Variants in RAB38 observed in about 807,000 individuals in gnomAD.
The protein encoded by RAB38 is RAB38, member RAS oncogene family.
A neutral mutation model predicts 18.4 loss-of-function variants in RAB38; 15 were observed. The ratio of observed to expected loss-of-function variants is 0.82; its 90% CI spans 0.55 to 1.26. The LOEUF (loss-of-function observed/expected upper bound fraction) is 1.26. Among genes scored for constraint, RAB38 ranks in the 50% most tolerant of loss-of-function variants. The probability of loss-of-function intolerance (pLI) is 0.00; values close to 1 mark genes in which losing one functional copy is unlikely to be tolerated. For missense variants in RAB38, 294 were observed against 267.4 expected (o/e 1.10, Z -0.69); for synonymous variants, 101 against 104.4 (o/e 0.97, Z 0.20).
the RAB38 span, among the ~76,000 whole-genome samples, chr11:87,859,876 G>A: frequency 3.3e-5 from 5 of 152,030 alleles, no homozygotes. Context: ...ATTGTAACAA[G>A]CTTACAGTCA....
chr11:88,110,201 G>A (rs1019503465), downstream of RAB38, among the ~76,000 whole-genome samples: 1 of 152,138 alleles, frequency 6.6e-6, no homozygotes, highest in African/African-American at 2.4e-5. Flanking sequence ...AAAAAGGATA[G>A]TTCATGTCCT....
At chr11:87,921,743 G>A in the RAB38 span, among the ~76,000 whole-genome samples, 2 of 151,612 alleles carry the variant, frequency 1.3e-5, no homozygotes, top group Admixed American at 6.6e-5. Context: ...TAAGCACTCA[G>A]GAAAAGTTTT....
chr11:87,965,416 G>A, the RAB38 span, among the ~76,000 whole-genome samples: 1 of 152,094 alleles, frequency 6.6e-6, no homozygotes, highest in African/African-American at 2.4e-5. Flanking sequence ...CTTGGCCTTT[G>A]TTCATGCTAT....
At chr11:88,119,609 T>C (rs1051902482) in intron 2 of RAB38, among the ~76,000 whole-genome samples, 3 of 150,914 alleles carry the variant, frequency 2.0e-5, no homozygotes, top group African/African-American at 7.3e-5. Flanking sequence ...TTTAATTAGC[T>C]CTTCAGAACA....
chr11:88,112,449 G>A (rs2134763571), downstream of RAB38, among the ~76,000 whole-genome samples: 1 of 152,144 alleles, frequency 6.6e-6, no homozygotes, highest in South Asian at 2.1e-4. Context: ...AAAGAATTTG[G>A]GGATTCAAGA....
chr11:88,132,848 T>TTAA (rs1267688062), intron 2 of RAB38, among the ~76,000 whole-genome samples: 1 of 152,324 alleles, frequency 6.6e-6, no homozygotes, highest in Non-Finnish European at 1.5e-5. Flanking sequence ...TTAATAGATA[T>TTAA]TAATAATAAA....
chr11:87,842,775 TACACACATGCATGCGCATGCACACAC>T, the RAB38 span, among the ~76,000 whole-genome samples: 1 of 148,442 alleles, frequency 6.7e-6, no homozygotes, highest in South Asian at 2.2e-4. Flanking sequence ...TGCGCACACA[TACACACATGCATGCGCATGCACACAC>T]ACACACACGC....
the RAB38 span, among the ~76,000 whole-genome samples, chr11:87,843,032 A>T: frequency 2.0e-5 from 3 of 152,124 alleles, no homozygotes; most frequent in East Asian, 1.9e-4. Context: ...TATTAATTCA[A>T]TCCCTCCCAC....
chr11:88,063,678 C>T, the RAB38 span, among the ~76,000 whole-genome samples: 1,059 of 152,260 alleles, frequency 7.0e-3, 5 homozygotes, highest in Non-Finnish European at 0.012. Flanking sequence ...GGGGCGGTTT[C>T]ACCCATACTG....
At chr11:87,877,175 C>A in the RAB38 span, among the ~76,000 whole-genome samples, 1 of 151,430 alleles carries the variant, frequency 6.6e-6, no homozygotes, top group South Asian at 2.1e-4. Context: ...GGAACCAGGA[C>A]CTCTTTATAC....
the RAB38 span, among the ~76,000 whole-genome samples, chr11:87,893,855 G>A: frequency 1.3e-5 from 2 of 151,616 alleles, no homozygotes; most frequent in Non-Finnish European, 3.0e-5. Flanking sequence ...TGTGAAGTCT[G>A]CAACTTGTTC....
At chr11:88,061,148 C>T in the RAB38 span, among the ~76,000 whole-genome samples, 1 of 152,120 alleles carries the variant, frequency 6.6e-6, no homozygotes, top group African/African-American at 2.4e-5. Context: ...GCGATATTGA[C>T]AGACTCTTAC....
At chr11:87,903,010 T>G in the RAB38 span, among the ~76,000 whole-genome samples, 4 of 151,232 alleles carry the variant, frequency 2.6e-5, no homozygotes, top group Non-Finnish European at 4.4e-5. Flanking sequence ...TGTCCGTGAA[T>G]AGAAATTTTT....
At chr11:87,892,605 C>T in the RAB38 span, among the ~76,000 whole-genome samples, 1 of 151,832 alleles carries the variant, frequency 6.6e-6, no homozygotes, top group Non-Finnish European at 1.5e-5. Context: ...TTTTCTACTT[C>T]AGCTCCTACT....
chr11:87,951,201 G>A, the RAB38 span, among the ~76,000 whole-genome samples: 9 of 152,082 alleles, frequency 5.9e-5, no homozygotes, highest in South Asian at 6.2e-4. Context: ...TTCTGCATTC[G>A]TCACATAGCT....
the RAB38 span, among the ~76,000 whole-genome samples, chr11:88,003,824 AGATTG>A: frequency 0.2 from 859 of 4,306 alleles, 386 homozygotes; most frequent in South Asian, 0.56. Flanking sequence ...AATATATAAT[AGATTG>A]TATAATATAT....
the RAB38 span, among the ~76,000 whole-genome samples, chr11:87,937,763 G>A: frequency 1.3e-5 from 2 of 151,306 alleles, no homozygotes; most frequent in African/African-American, 4.9e-5. Context: ...TCTCCATTTG[G>A]TTCTTCATAA....
At chr11:87,922,649 A>T in the RAB38 span, among the ~76,000 whole-genome samples, 29 of 152,108 alleles carry the variant, frequency 1.9e-4, no homozygotes, top group Non-Finnish European at 3.7e-4. Flanking sequence ...ACTGCAAAAC[A>T]CTGAGCAAAT....
the RAB38 span, among the ~76,000 whole-genome samples, chr11:87,902,012 A>C: frequency 6.6e-6 from 1 of 151,626 alleles, no homozygotes; most frequent in Non-Finnish European, 1.5e-5. Context: ...AGAAAGTGTA[A>C]AGATTGGACT....
Sources: allele counts gnomAD v4.1 joint callset (sites outside exome capture counted in the v4.1 genomes callset), GRCh38; gene constraint gnomAD v4.1.1; transcripts MANE v1.5; gene names NCBI Gene and HGNC (gene_info 2026-07-23, HGNC 2026-07-21).